Variants in NOL11 observed in about 807,000 individuals in gnomAD.
NOL11 encodes the protein nucleolar protein 11.
NOL11 carries 42 observed loss-of-function variants against 93.0 expected under a neutral mutation model. That is an observed-to-expected ratio of 0.45 (90% CI 0.35 to 0.58). NOL11 has a LOEUF of 0.58. Among genes scored for constraint, NOL11 ranks in the 20% least tolerant of loss-of-function variants. NOL11 has a pLI of 0.00. For missense variants in NOL11, 775 were observed against 841.8 expected, an observed-to-expected ratio of 0.92 and a Z score of 0.98; for synonymous variants, 296 against 293.7, an observed-to-expected ratio of 1.01 and a Z score of -0.08.
At chr17:67,720,119 A>T (rs2043206746) in intron 3 of NOL11, among the ~76,000 whole-genome samples, 157 bp downstream of exon 3, 1 of 152,174 alleles carries the variant, frequency 6.6e-6, no homozygotes, top group Non-Finnish European at 1.5e-5. Context: ...GTATCTTGGT[A>T]ACATGTCTCC....
intron 7 of NOL11, among the ~76,000 whole-genome samples, chr17:67,731,026 G>A (rs1482495063): frequency 6.6e-6 from 1 of 152,182 alleles, no homozygotes; most frequent in Non-Finnish European, 1.5e-5. Flanking sequence ...GACTAAGTGT[G>A]TTGAACATTT....
At position 67,723,114 on chromosome 17, in the gene NOL11, G is replaced by A. The variant is rs144371363; in HGVS notation, c.519+477G>A. Among the ~76,000 whole-genome samples, 435 of 150,202 alleles carry A rather than the reference G, an allele frequency of 2.9e-3. 4 individuals are homozygous for A. Among genetic ancestry groups the A allele is most frequent in the East Asian group, 0.023 (118 of 5,066 alleles). On this transcript the variant is annotated intron_variant, in intron 5 of 17. Transcript: ENST00000253247. ...CGCAGCCTCCTCCTCCCGGGTTCAAGTGATTCTCCTGCCTCAGCCTCCCGA... is the reference window on the plus strand; with the variant it reads ...CGCAGCCTCCTCCTCCCGGGTTCAAATGATTCTCCTGCCTCAGCCTCCCGA...
At chr17:67,722,522 G>A (rs753324528) in intron 4 of NOL11, 58 bp from the exon 5 acceptor site, 3 of 1,533,586 alleles carry the variant, frequency 2.0e-6, no homozygotes, top group African/African-American at 1.4e-5. Context: ...TGATTGATAT[G>A]TGTCTCCCAG....
intron 8 of NOL11, among the ~76,000 whole-genome samples, chr17:67,735,646 A>G (rs1206928433): frequency 6.6e-6 from 1 of 152,176 alleles, no homozygotes; most frequent in Non-Finnish European, 1.5e-5. Context: ...ATTTTAAACA[A>G]TTGAGTTTTT....
intron 3 of NOL11, among the ~76,000 whole-genome samples, chr17:67,720,619 A>T (rs893407990): frequency 2.6e-5 from 4 of 152,166 alleles, no homozygotes; most frequent in Admixed American, 2.6e-4. Context: ...GTACATTTTG[A>T]AGAGTGGCAC....
intron 14 of NOL11, 64 bp downstream of exon 14, chr17:67,738,419 T>A: frequency 2.0e-6 from 2 of 1,007,518 alleles, no homozygotes; most frequent in South Asian, 1.5e-5. Context: ...TGCCAAGCAG[T>A]AACCAAGGAG....
At position 67,737,149 on chromosome 17, in the gene NOL11, A is replaced by G. The variant is rs778881245; in HGVS notation, c.1218+4A>G. The G allele has an allele frequency of 3.9e-6, 6 of 1,543,344 alleles. No individual in the cohort carries two copies. The Admixed American group carries it at 1.0e-4, about 26-fold the overall frequency. On this transcript the variant is annotated splice_donor_region_variant and intron_variant, in intron 11 of 17. Coordinates refer to ENST00000253247, the MANE Select transcript of NOL11 (RefSeq NM_015462.5). The stretch of plus-strand genomic sequence containing the variant: ...ACAACTTTTGTCAACCATAATGGTA[A>G]ATAAATAATATTGAAATATGAAAAA...
At position 67,719,680 on chromosome 17, in the gene NOL11, G is replaced by A. The variant is rs2043202688; in HGVS notation, c.148G>A (p.Asp50Asn). The stretch of plus-strand genomic sequence containing the variant: ...TTTATCTTAATTTCATTAGGTTTCT[G>A]ATCAGAAACCCTTGGGGAGCTGGTC... ...GRTVILYKVS[D>N]QKPLGSWSVK... The change falls in exon 2 of 18, where the codon GAT (aspartate) becomes AAT (asparagine). Residue 50 changes from aspartate to asparagine, a missense_variant. Around this residue, in one of 2 missense-constraint regions of NOL11, gnomAD observed 359 missense variants for 316.5 expected, o/e 1.13. Coordinates refer to ENST00000253247, the MANE Select transcript of NOL11 (RefSeq NM_015462.5). 1 of 1,566,556 alleles carries A rather than the reference G, an allele frequency of 6.4e-7. No homozygotes were observed. Among genetic ancestry groups the A allele is most frequent in the Non-Finnish European group, 8.7e-7 (1 of 1,143,220 alleles).
chr17:67,737,235 C>T, intron 11 of NOL11, 90 bp downstream of exon 11: 1 of 817,792 alleles, frequency 1.2e-6, no homozygotes, highest in South Asian at 1.5e-5. Flanking sequence ...TTTTTATGAT[C>T]ATCTTTATAC....
chr17:67,718,114 C>G (rs772689269), intron 1 of NOL11, 26 bp downstream of exon 1: 6 of 1,604,010 alleles, frequency 3.7e-6, no homozygotes, highest in Non-Finnish European at 5.1e-6. Flanking sequence ...TTGGGAGCGC[C>G]CCGACTGCCT....
intron 6 of NOL11, among the ~76,000 whole-genome samples, chr17:67,726,151 A>G (rs913828143): frequency 4.6e-5 from 7 of 152,340 alleles, no homozygotes; most frequent in South Asian, 2.1e-4. Context: ...AATGAGGGAT[A>G]TATCCTTTTA....
intron 7 of NOL11, among the ~76,000 whole-genome samples, chr17:67,731,115 G>T (rs539349036): frequency 3.9e-5 from 6 of 152,064 alleles, no homozygotes; most frequent in African/African-American, 1.4e-4. Flanking sequence ...TTTAAATAAG[G>T]TTGTCTTTTT....
chr17:67,723,118 TTC>T (rs1390954734), intron 5 of NOL11, among the ~76,000 whole-genome samples: 2 of 151,572 alleles, frequency 1.3e-5, no homozygotes, highest in Non-Finnish European at 2.9e-5. Flanking sequence ...GTTCAAGTGA[TTC>T]TCCTGCCTCA....
At chr17:67,726,678 CT>C in intron 7 of NOL11, 30 bp downstream of exon 7, 1 of 1,504,510 alleles carries the variant, frequency 6.6e-7, no homozygotes, top group Non-Finnish European at 9.0e-7. Context: ...TTAAGAAGGC[CT>C]TTGTATGTTT....
chr17:67,740,585 G>A (rs894694444), intron 16 of NOL11: 3 of 150,066 alleles, frequency 2.0e-5, no homozygotes, highest in African/African-American at 7.4e-5. Flanking sequence ...CTCCAGCCTG[G>A]GCGACAAGAG....
intron 5 of NOL11, among the ~76,000 whole-genome samples, chr17:67,722,983 G>T (rs930272158): frequency 1.3e-5 from 2 of 149,708 alleles, no homozygotes; most frequent in African/African-American, 4.9e-5. Flanking sequence ...GAGCCACTGT[G>T]CCCAGCTGTG....
intron 6 of NOL11, among the ~76,000 whole-genome samples, chr17:67,724,436 C>T (rs190514960): frequency 1.4e-3 from 206 of 150,144 alleles, no homozygotes; most frequent in African/African-American, 4.9e-3. Flanking sequence ...CAGAGTCAAA[C>T]AATTCTCCTG....
At chr17:67,742,695 T>TC (rs1387994233) in intron 16 of NOL11, among the ~76,000 whole-genome samples, 1 of 152,050 alleles carries the variant, frequency 6.6e-6, no homozygotes, top group Non-Finnish European at 1.5e-5. Context: ...AGGGATCAGC[T>TC]CCCCCTCCCA....
chr17:67,723,496 C>A (rs1012734318), intron 5 of NOL11, among the ~76,000 whole-genome samples: 4 of 146,138 alleles, frequency 2.7e-5, no homozygotes, highest in African/African-American at 1.0e-4. Context: ...TCAAGCGATT[C>A]TCCTGTCTCA....
Sources: allele counts gnomAD v4.1 joint callset (sites outside exome capture counted in the v4.1 genomes callset), GRCh38; gene constraint gnomAD v4.1.1; regional missense constraint gnomAD v4.1.1; transcripts MANE v1.5; gene names NCBI Gene and HGNC (gene_info 2026-07-23, HGNC 2026-07-21).